Variants in GPN1 observed in about 807,000 individuals in gnomAD.
GPN1 encodes ATP(GTP)-binding protein.
GPN1 carries 44 observed loss-of-function variants against 55.9 expected under a neutral mutation model. That is an observed-to-expected ratio of 0.79 (90% CI 0.62 to 1.01). GPN1 has a LOEUF of 1.01. Among genes scored for constraint, GPN1 ranks in the 50% least tolerant of loss-of-function variants. The pLI is 0.00. For missense variants in GPN1, 466 were observed against 462.8 expected (o/e 1.01, Z -0.06); for synonymous variants, 179 against 162.5 (o/e 1.10, Z -0.77).
intron 11 of GPN1, among the ~76,000 whole-genome samples, chr2:27,641,506 G>A (rs966748387): frequency 1.2e-4 from 18 of 152,000 alleles, no homozygotes; most frequent in African/African-American, 4.1e-4. Flanking sequence ...GTCTGGGTGC[G>A]GAAAGTCTCC....
At chr2:27,628,980 G>T (rs1159798811), upstream of GPN1, 1 of 1,587,006 alleles carries the variant, frequency 6.3e-7, no homozygotes, top group African/African-American at 1.4e-5. Context: ...GGTGGTTTTC[G>T]TTCGCAGCCC....
intron 7 of GPN1, 66 bp downstream of exon 7, chr2:27,635,300 C>CATTTTTTT: frequency 1.9e-6 from 1 of 520,134 alleles, no homozygotes. Flanking sequence ...TCTTCTTCCT[C>CATTTTTTT]TTTTTTTTTT....
rs138547326 is a variant in GPN1, at chr2:27,640,060, T to A, written c.735T>A (p.Ala245=). ...YSSLRVVGVS[A]VLGTGLDELF... ...TTTGGCAGGTGGTGGGTGTCTCTGCTGTTCTGGGTACTGGATTAGATGAAC... is the reference window on the plus strand; with the variant it reads ...TTTGGCAGGTGGTGGGTGTCTCTGCAGTTCTGGGTACTGGATTAGATGAAC... Residue 245 remains alanine (A), a synonymous_variant, in exon 10 of 14, where the codon GCT becomes GCA. Coordinates refer to ENST00000610189, the MANE Select transcript of GPN1 (RefSeq NM_007266.4). The A allele has an allele frequency of 2.5e-6, 4 of 1,611,686 alleles. No homozygotes were observed. The Admixed American group carries it at 5.0e-5, about 20-fold the overall frequency.
intron 12 of GPN1, among the ~76,000 whole-genome samples, chr2:27,644,445 T>A (rs1674115462): frequency 6.6e-6 from 1 of 152,216 alleles, no homozygotes; most frequent in Admixed American, 6.5e-5. Context: ...TATTTTGTTT[T>A]GATGTAGTCA....
Position 27,632,606 on chromosome 2 carries a change from G to C in GPN1, c.313-27G>C, listed in dbSNP as rs142725873. 4 of 1,560,388 alleles carry C rather than the reference G, an allele frequency of 2.6e-6. No homozygotes were observed. In the East Asian group the frequency reaches 9.0e-5, roughly 35 times the overall value. On this transcript the variant is annotated intron_variant, in intron 4 of 13. Transcript: ENST00000610189. ...TGATTTTGTGTTGAAATCGGAATTT[G>C]TTGTCATTGACATCTTTTTCTTTTA...
intron 12 of GPN1, 143 bp downstream of exon 12, chr2:27,642,662 C>T (rs1674005137): frequency 1.7e-6 from 1 of 577,190 alleles, no homozygotes; most frequent in Non-Finnish European, 3.2e-6. Flanking sequence ...CTCCCAGGTT[C>T]AAGCAGTTCT....
Sources: gnomAD v4.1 joint callset for allele counts (sites outside exome capture counted in the v4.1 genomes callset) on GRCh38, gnomAD v4.1.1 for gene constraint, MANE v1.5 for transcripts, NCBI Gene and HGNC (gene_info 2026-07-23, HGNC 2026-07-21) for gene names.